MACROD2: variants seen among roughly 807,000 people sequenced by gnomAD.
MACROD2 encodes the protein mono-ADP ribosylhydrolase 2.
In MACROD2, 36 loss-of-function variants were observed where a neutral mutation model predicts 70.4. The observed-to-expected ratio is 0.51, with a 90% CI of 0.39 to 0.68. The LOEUF (loss-of-function observed/expected upper bound fraction) is 0.68. Among genes scored for constraint, MACROD2 ranks in the 30% least tolerant of loss-of-function variants. The pLI is 0.00. For missense variants in MACROD2, 496 were observed against 538.4 expected, an observed-to-expected ratio of 0.92 and a Z score of 0.78; for synonymous variants, 172 against 178.8, an observed-to-expected ratio of 0.96 and a Z score of 0.30.
At chr20:15,417,810 A>G (rs1600383094) in intron 6 of MACROD2, among the ~76,000 whole-genome samples, 1 of 151,920 alleles carries the variant, frequency 6.6e-6, no homozygotes. Context: ...AACGGAGGAT[A>G]TTTTTCTTCT....
intron 6 of MACROD2, among the ~76,000 whole-genome samples, chr20:15,398,614 TTCCAGAGTTAAGTTA>T (rs2045890630): frequency 6.6e-6 from 1 of 152,226 alleles, no homozygotes; most frequent in African/African-American, 2.4e-5. Context: ...TTTCTCACAA[TTCCAGAGTTAAGTTA>T]TTCAGGGTTG....
intron 5 of MACROD2, among the ~76,000 whole-genome samples, chr20:14,760,235 GGATCCCGCGTA>G (rs2071997198): frequency 6.6e-6 from 1 of 152,012 alleles, no homozygotes; most frequent in Non-Finnish European, 1.5e-5. Context: ...GGGCAGGGAG[GGATCCCGCGTA>G]GATGGCAAGT....
chr20:14,018,411 A>G (rs2053023150), intron 2 of MACROD2, among the ~76,000 whole-genome samples: 1 of 152,108 alleles, frequency 6.6e-6, no homozygotes, highest in South Asian at 2.1e-4. Flanking sequence ...TTATAGCTCT[A>G]AATTTTCTCT....
At chr20:15,313,045 G>C (rs142522168) in intron 6 of MACROD2, among the ~76,000 whole-genome samples, 2 of 151,958 alleles carry the variant, frequency 1.3e-5, no homozygotes, top group African/African-American at 4.8e-5. Context: ...TTGCATATAT[G>C]GTGAAATTTG....
At chr20:14,710,010 C>A (rs1000031177) in intron 5 of MACROD2, among the ~76,000 whole-genome samples, 13 of 152,146 alleles carry the variant, frequency 8.5e-5, no homozygotes, top group Admixed American at 2.6e-4. Context: ...TTATATATTT[C>A]TCCATGCAAA....
intron 8 of MACROD2, among the ~76,000 whole-genome samples, chr20:15,785,416 A>G (rs2051909015): frequency 6.6e-6 from 1 of 152,122 alleles, no homozygotes; most frequent in African/African-American, 2.4e-5. Context: ...CTCTCCCCCA[A>G]CAACAAGTGT....
intron 4 of MACROD2, among the ~76,000 whole-genome samples, chr20:14,646,681 G>A (rs930363497): frequency 6.6e-6 from 1 of 151,862 alleles, no homozygotes; most frequent in East Asian, 1.9e-4. Flanking sequence ...TTCACCCTTT[G>A]CATCATTATG....
chr20:14,262,112 T>A (rs751797242), intron 3 of MACROD2, among the ~76,000 whole-genome samples: 1 of 152,104 alleles, frequency 6.6e-6, no homozygotes, highest in Non-Finnish European at 1.5e-5. Flanking sequence ...TATAAAACAA[T>A]ATAATGTTCT....
At chr20:14,567,976 T>A (rs1386606598) in intron 4 of MACROD2, among the ~76,000 whole-genome samples, 2 of 152,064 alleles carry the variant, frequency 1.3e-5, no homozygotes, top group African/African-American at 4.8e-5. Flanking sequence ...TACTATTGGC[T>A]TCTGGGTTAC....
intron 5 of MACROD2, among the ~76,000 whole-genome samples, chr20:15,039,655 A>G (rs1274841178): frequency 6.6e-6 from 1 of 152,108 alleles, no homozygotes; most frequent in African/African-American, 2.4e-5. Context: ...GTGATAGACA[A>G]CTAAACAGAA....
chr20:15,929,470 T>C (rs753477958), intron 10 of MACROD2, among the ~76,000 whole-genome samples: 1 of 152,106 alleles, frequency 6.6e-6, no homozygotes, highest in African/African-American at 2.4e-5. Context: ...AATCTTATTA[T>C]AGGGGACTGA....
chr20:15,268,794 A>C (rs2077320114), intron 6 of MACROD2, among the ~76,000 whole-genome samples: 2 of 152,228 alleles, frequency 1.3e-5, no homozygotes. Context: ...TGAGTTAACT[A>C]ATGAACAAAT....
At chr20:14,849,019 T>C (rs1227279757) in intron 5 of MACROD2, among the ~76,000 whole-genome samples, 1 of 152,124 alleles carries the variant, frequency 6.6e-6, no homozygotes, top group Non-Finnish European at 1.5e-5. Context: ...TTCTTCTCAG[T>C]ACTGTTCATT....
chr20:14,466,242 C>CT (rs201825508), intron 3 of MACROD2, among the ~76,000 whole-genome samples: 3,886 of 152,030 alleles, frequency 0.026, 186 homozygotes, highest in African/African-American at 0.088. Context: ...TCTTTTTATT[C>CT]TTTTTTCTCT....
chr20:14,832,069 G>T (rs773131734), intron 5 of MACROD2, among the ~76,000 whole-genome samples: 1 of 124,124 alleles, frequency 8.1e-6, no homozygotes, highest in Non-Finnish European at 1.6e-5. Context: ...TTGAGAGGGA[G>T]TCTCGCTCTG....
chr20:14,046,856 T>C (rs1415142740), intron 2 of MACROD2, among the ~76,000 whole-genome samples: 2 of 152,008 alleles, frequency 1.3e-5, no homozygotes, highest in Admixed American at 1.3e-4. Flanking sequence ...AGAATAAGGA[T>C]AGGGATATTC....
intron 8 of MACROD2, among the ~76,000 whole-genome samples, chr20:15,637,194 C>A (rs1053142280): frequency 6.9e-6 from 1 of 145,660 alleles, no homozygotes; most frequent in African/African-American, 2.5e-5. Context: ...CCTAGACTTA[C>A]ATCCTGGTCC....
rs372310967 is a variant in MACROD2, at chr20:15,016,730, C to A, written c.419-213210C>A. On this transcript the variant is annotated intron_variant, in intron 5 of 17. Coordinates refer to ENST00000684519, the MANE Select transcript of MACROD2 (RefSeq NM_001351661.2). ...TTACAGTTGCACATGACTGGGGAGG[C>A]CTCAGAATAATGGTGGGAGGCAAAA... Among the ~76,000 whole-genome samples, 40 of 152,210 alleles carry A rather than the reference C, an allele frequency of 2.6e-4. No homozygotes were observed. In the South Asian group the frequency reaches 7.5e-3, roughly 28 times the overall value.
intron 5 of MACROD2, among the ~76,000 whole-genome samples, chr20:15,159,596 C>T (rs769963033): frequency 2.7e-5 from 4 of 149,760 alleles, no homozygotes; most frequent in Non-Finnish European, 4.4e-5. Context: ...TCATTTATTT[C>T]ACAAACTCTA....
Sources: gnomAD v4.1 joint callset for allele counts (sites outside exome capture counted in the v4.1 genomes callset) on GRCh38, gnomAD v4.1.1 for gene constraint, MANE v1.5 for transcripts, NCBI Gene and HGNC (gene_info 2026-07-23, HGNC 2026-07-21) for gene names.